MSRB3: variants seen among roughly 807,000 people sequenced by gnomAD.
The protein encoded by MSRB3 is methionine-R-sulfoxide reductase B3.
MSRB3 carries 13 observed loss-of-function variants against 21.0 expected under a neutral mutation model. The observed-to-expected ratio is 0.62, with a 90% CI of 0.40 to 0.98. The LOEUF (loss-of-function observed/expected upper bound fraction) is 0.98. Among genes scored for constraint, MSRB3 ranks in the 50% least tolerant of loss-of-function variants. The probability of loss-of-function intolerance (pLI) is 0.00; values close to 1 mark genes in which losing one functional copy is unlikely to be tolerated. For missense variants in MSRB3, 199 were observed against 230.3 expected, an observed-to-expected ratio of 0.86 and a Z score of 0.88; for synonymous variants, 87 against 88.6, an observed-to-expected ratio of 0.98 and a Z score of 0.10.
chr12:65,445,921 A>C (rs1208031131), intron 5 of MSRB3, among the ~76,000 whole-genome samples: 1 of 152,190 alleles, frequency 6.6e-6, no homozygotes, highest in Admixed American at 6.5e-5. Flanking sequence ...CTGGGATTAG[A>C]GGTGTGAGCC....
At chr12:65,432,795 A>T (rs1429558834) in intron 5 of MSRB3, among the ~76,000 whole-genome samples, 1 of 151,942 alleles carries the variant, frequency 6.6e-6, no homozygotes, top group Non-Finnish European at 1.5e-5. Flanking sequence ...CTGGGGCCAC[A>T]TGTTAGATAG....
At chr12:65,352,679 C>G (rs1309300553) in intron 4 of MSRB3, among the ~76,000 whole-genome samples, 2 of 151,910 alleles carry the variant, frequency 1.3e-5, no homozygotes, top group South Asian at 4.2e-4. Context: ...AACAGACAAA[C>G]AGAGAGCCAA....
At chr12:65,375,621 T>C (rs1442054055) in intron 5 of MSRB3, among the ~76,000 whole-genome samples, 1 of 151,984 alleles carries the variant, frequency 6.6e-6, no homozygotes, top group Non-Finnish European at 1.5e-5. Flanking sequence ...AACATTTTTG[T>C]AGAGACTGGA....
intron 6 of MSRB3, among the ~76,000 whole-genome samples, chr12:65,457,144 C>T (rs1410009313): frequency 6.6e-6 from 1 of 151,984 alleles, no homozygotes; most frequent in Non-Finnish European, 1.5e-5. Flanking sequence ...ATCTGTTTAT[C>T]TTCTTTTACC....
At chr12:65,386,979 CTATA>C (rs1879225465) in intron 5 of MSRB3, among the ~76,000 whole-genome samples, 1 of 151,888 alleles carries the variant, frequency 6.6e-6, no homozygotes, top group South Asian at 2.1e-4. Flanking sequence ...TTAATATAGA[CTATA>C]TATCCTGATA....
At chr12:65,443,636 G>A (rs774852777) in intron 5 of MSRB3, among the ~76,000 whole-genome samples, 7 of 152,102 alleles carry the variant, frequency 4.6e-5, no homozygotes, top group African/African-American at 9.6e-5. Context: ...TCCCGGGGAG[G>A]GTTCTCTATC....
chr12:65,412,055 C>T (rs1016607401), intron 5 of MSRB3, among the ~76,000 whole-genome samples: 1 of 152,112 alleles, frequency 6.6e-6, no homozygotes, highest in Non-Finnish European at 1.5e-5. Context: ...CATGAGACCG[C>T]ACTTCCTATG....
At chr12:65,417,410 A>T (rs2136636290) in intron 5 of MSRB3, among the ~76,000 whole-genome samples, 1 of 152,302 alleles carries the variant, frequency 6.6e-6, no homozygotes, top group Middle Eastern at 3.4e-3. Context: ...GGTGTACAAC[A>T]TGGTGTTCTG....
chr12:65,298,356 G>A (rs116176473), intron 1 of MSRB3, among the ~76,000 whole-genome samples: 238 of 152,292 alleles, frequency 1.6e-3, no homozygotes, highest in African/African-American at 5.4e-3. Flanking sequence ...AGTGAAGAAA[G>A]AAAGTAATAA....
intron 5 of MSRB3, among the ~76,000 whole-genome samples, chr12:65,412,243 G>A (rs1356336329): frequency 2.0e-5 from 3 of 152,054 alleles, no homozygotes; most frequent in Non-Finnish European, 4.4e-5. Flanking sequence ...AAAAATTAAG[G>A]TTGCTTTCAC....
At chr12:65,448,455 TG>T (rs1210682441) in intron 5 of MSRB3, among the ~76,000 whole-genome samples, 8 of 152,156 alleles carry the variant, frequency 5.3e-5, no homozygotes, top group Non-Finnish European at 1.0e-4. Context: ...GAAAGGGGAA[TG>T]GAGGGGAGAT....
chr12:65,399,953 G>C (rs150318632), intron 5 of MSRB3, among the ~76,000 whole-genome samples: 3 of 152,204 alleles, frequency 2.0e-5, no homozygotes, highest in Admixed American at 2.0e-4. Flanking sequence ...GGATGAAGCC[G>C]ACTTGATCAT....
At chr12:65,420,968 T>G (rs1881262601) in intron 5 of MSRB3, among the ~76,000 whole-genome samples, 1 of 152,218 alleles carries the variant, frequency 6.6e-6, no homozygotes, top group South Asian at 2.1e-4. Context: ...TGATTTATAT[T>G]CCTTTGGTAT....
intron 5 of MSRB3, among the ~76,000 whole-genome samples, chr12:65,378,058 G>A (rs1193783810): frequency 6.6e-6 from 1 of 152,040 alleles, no homozygotes; most frequent in Non-Finnish European, 1.5e-5. Context: ...TTTATGATAA[G>A]CCACTAAGAT....
intron 1 of MSRB3, among the ~76,000 whole-genome samples, chr12:65,302,031 A>C (rs917540935): frequency 6.6e-6 from 1 of 152,130 alleles, no homozygotes; most frequent in Admixed American, 6.5e-5. Flanking sequence ...TTAAGCTTTC[A>C]GGTTAAAATA....
At chr12:65,323,476 G>A (rs1278650806) in intron 2 of MSRB3, among the ~76,000 whole-genome samples, 1 of 151,746 alleles carries the variant, frequency 6.6e-6, no homozygotes, top group African/African-American at 2.4e-5. Context: ...TGTGTTACAT[G>A]TGTGTACACA....
intron 5 of MSRB3, among the ~76,000 whole-genome samples, chr12:65,424,645 G>A (rs1881483793): frequency 6.6e-6 from 1 of 151,672 alleles, no homozygotes; most frequent in Non-Finnish European, 1.5e-5. Context: ...TTGATTTTTG[G>A]TTTCATATTA....
chr12:65,401,234 T>A (rs1211116674), intron 5 of MSRB3, among the ~76,000 whole-genome samples: 1 of 152,214 alleles, frequency 6.6e-6, no homozygotes, highest in East Asian at 1.9e-4. Context: ...ACTATTATTG[T>A]ATGGGAGTCT....
intron 4 of MSRB3, among the ~76,000 whole-genome samples, chr12:65,335,655 G>A (rs932331838): frequency 6.6e-6 from 1 of 152,236 alleles, no homozygotes; most frequent in East Asian, 1.9e-4. Flanking sequence ...ACAGTGAGAA[G>A]ATAAGAGTTT....
Sources: gnomAD v4.1 joint callset for allele counts (sites outside exome capture counted in the v4.1 genomes callset) on GRCh38, gnomAD v4.1.1 for gene constraint, MANE v1.5 for transcripts, NCBI Gene and HGNC (gene_info 2026-07-23, HGNC 2026-07-21) for gene names.